Variants in ALDH2 observed in about 807,000 individuals in gnomAD.
ALDH2 encodes aldehyde dehydrogenase 2 family member, also known as aldehyde dehydrogenase, mitochondrial.
ALDH2 carries 44 observed loss-of-function variants against 59.6 expected under a neutral mutation model. The ratio of observed to expected loss-of-function variants is 0.74; its 90% CI spans 0.58 to 0.95. The LOEUF (loss-of-function observed/expected upper bound fraction) is 0.95. Among genes scored for constraint, ALDH2 ranks in the 40% least tolerant of loss-of-function variants. The pLI, the probability that ALDH2 is intolerant of heterozygous loss-of-function variation, is 0.00. For synonymous variants in ALDH2, 291 were observed against 284.0 expected, an observed-to-expected ratio of 1.02 and a Z score of -0.25; for missense variants, 570 against 696.3, an observed-to-expected ratio of 0.82 and a Z score of 2.04.
chr12:111,800,631 C>T (rs1362166847), intron 11 of ALDH2, among the ~76,000 whole-genome samples: 4 of 151,964 alleles, frequency 2.6e-5, no homozygotes, highest in Non-Finnish European at 5.9e-5. Flanking sequence ...TGAGATCTCG[C>T]CATGTTGCCC....
At chr12:111,807,665 G>A (rs1001336665) in intron 12 of ALDH2, among the ~76,000 whole-genome samples, 1 of 152,112 alleles carries the variant, frequency 6.6e-6, no homozygotes, top group Non-Finnish European at 1.5e-5. Context: ...AAAGAGCATA[G>A]CTTCTGGAAA....
intron 9 of ALDH2, among the ~76,000 whole-genome samples, chr12:111,795,143 A>G (rs185039901): frequency 2.0e-5 from 3 of 152,316 alleles, no homozygotes; most frequent in South Asian, 4.1e-4. Context: ...CCATGTTGTA[A>G]TAAGAATGTA....
At chr12:111,785,755 A>G (rs186903686) in intron 4 of ALDH2, among the ~76,000 whole-genome samples, 2 of 152,290 alleles carry the variant, frequency 1.3e-5, no homozygotes, top group East Asian at 1.9e-4. Flanking sequence ...ATAAATTACA[A>G]AAATTCAAAA....
At chr12:111,799,723 C>T in intron 10 of ALDH2, 183 bp from the exon 11 acceptor site, 1 of 621,646 alleles carries the variant, frequency 1.6e-6, no homozygotes, top group Non-Finnish European at 2.6e-6. Flanking sequence ...AGGAAGTTGG[C>T]CCCTGTTAGC....
Position 111,799,888 on chromosome 12 carries a change from G to A in ALDH2, c.1249-18G>A, listed in dbSNP as rs376773752. 4.1e-5 allele frequency: 66 copies of A among 1,610,470 alleles called. No individual in the cohort carries two copies. Among genetic ancestry groups the A allele is most frequent in the South Asian group, 4.0e-4 (36 of 90,546 alleles). ...CCTCCGTGTTGCCGAACCCTCCTAC[G>A]CTGCTCTCTCACTCCAGATCTTCGG... is the stretch of plus-strand genomic sequence containing the variant. On this transcript the variant is annotated intron_variant, in intron 10 of 12. Coordinates refer to ENST00000261733, the MANE Select transcript of ALDH2 (RefSeq NM_000690.4).
chr12:111,787,808 G>A (rs1244360920), intron 4 of ALDH2, among the ~76,000 whole-genome samples: 2 of 152,112 alleles, frequency 1.3e-5, no homozygotes, highest in East Asian at 1.9e-4. Flanking sequence ...GCGGCGGGGG[G>A]ATCACGAGGT....
At chr12:111,800,222 T>A (rs1244083915) in intron 11 of ALDH2, among the ~76,000 whole-genome samples, 159 bp downstream of exon 11, 1 of 152,034 alleles carries the variant, frequency 6.6e-6, no homozygotes, top group Non-Finnish European at 1.5e-5. Flanking sequence ...CTACCTCACC[T>A]CCGAAGGATC....
intron 10 of ALDH2, among the ~76,000 whole-genome samples, chr12:111,799,253 C>G (rs1431178540): frequency 1.3e-5 from 2 of 151,616 alleles, no homozygotes; most frequent in East Asian, 2.0e-4. Context: ...CAACCTCTGC[C>G]TCCCGGGTTC....
At chr12:111,786,626 G>A (rs1487521251) in intron 4 of ALDH2, among the ~76,000 whole-genome samples, 2 of 151,794 alleles carry the variant, frequency 1.3e-5, no homozygotes, top group Non-Finnish European at 2.9e-5. Context: ...GTTCACTGCA[G>A]TGTTGACCTT....
intron 1 of ALDH2, among the ~76,000 whole-genome samples, chr12:111,768,642 C>A (rs1395706257): frequency 6.6e-6 from 1 of 151,194 alleles, no homozygotes; most frequent in African/African-American, 2.4e-5. Flanking sequence ...ATTTCGAGAC[C>A]AGCCTGGGCA....
chr12:111,779,335 G>A (rs541259696), intron 1 of ALDH2, among the ~76,000 whole-genome samples: 55 of 152,164 alleles, frequency 3.6e-4, no homozygotes, highest in Admixed American at 1.8e-3. Context: ...GATTACAGGC[G>A]CATGCGACCA....
At chr12:111,775,515 C>G (rs1332900854) in intron 1 of ALDH2, 1 of 381,132 alleles carries the variant, frequency 2.6e-6, no homozygotes, top group Non-Finnish European at 5.2e-6. Flanking sequence ...GTGAATGAAT[C>G]CAATTTTTAC....
At chr12:111,787,798 G>A (rs1481532151) in intron 4 of ALDH2, among the ~76,000 whole-genome samples, 2 of 152,040 alleles carry the variant, frequency 1.3e-5, no homozygotes, top group Admixed American at 6.6e-5. Flanking sequence ...TTGGGAGGTC[G>A]CGGCGGGGGG....
rs1485538172 is a variant in ALDH2, at chr12:111,810,897, G to A, written c.*1322G>A. On this transcript the variant is annotated 3_prime_UTR_variant, in exon 13 of 13. Transcript: ENST00000261733. ...TCAGTTCTCAGTAAAAACTTGATCA[G>A]GCCAAATGAAAGTGACATGGGCCAA... 1 of 152,012 alleles carries A rather than the reference G, an allele frequency of 6.6e-6. No homozygotes were observed. Among genetic ancestry groups the A allele is most frequent in the Non-Finnish European group, 1.5e-5 (1 of 68,028 alleles). The allele number at this position is 152,012 out of a possible 1,614,324, so 9.4% of individuals were successfully genotyped here. A position where few individuals can be genotyped will look rare whatever the true frequency, so the allele number is the denominator to read the frequency against.
At chr12:111,767,356 G>T (rs2068166820) in intron 1 of ALDH2, among the ~76,000 whole-genome samples, 1 of 152,018 alleles carries the variant, frequency 6.6e-6, no homozygotes, top group African/African-American at 2.4e-5. Flanking sequence ...TGTTTTCCAG[G>T]GCCAACTCTC....
chr12:111,809,047 C>T (rs1416569911), intron 12 of ALDH2, among the ~76,000 whole-genome samples: 2 of 152,246 alleles, frequency 1.3e-5, no homozygotes, highest in African/African-American at 2.4e-5. Context: ...CCTGTCCAAA[C>T]CCAAGAGGTG....
intron 4 of ALDH2, among the ~76,000 whole-genome samples, chr12:111,788,831 C>T (rs550737318): frequency 6.6e-6 from 1 of 152,058 alleles, no homozygotes; most frequent in Admixed American, 6.6e-5. Context: ...GGGAGACCCA[C>T]ATCTCTACAA....
chr12:111,783,125 C>A, intron 2 of ALDH2, 33 bp from the exon 3 acceptor site: 1 of 1,593,618 alleles, frequency 6.3e-7, no homozygotes, highest in South Asian at 1.1e-5. Context: ...CCTGAGTTTT[C>A]CAGGAAGGCT....
At chr12:111,804,563 C>T (rs1593087959) in intron 12 of ALDH2, among the ~76,000 whole-genome samples, 2 of 152,122 alleles carry the variant, frequency 1.3e-5, no homozygotes, top group African/African-American at 2.4e-5. Flanking sequence ...GCCTGACCAA[C>T]ATGGTGAAAC....
Sources: gnomAD v4.1 joint callset for allele counts (sites outside exome capture counted in the v4.1 genomes callset) on GRCh38, gnomAD v4.1.1 for gene constraint, MANE v1.5 for transcripts, NCBI Gene and HGNC (gene_info 2026-07-23, HGNC 2026-07-21) for gene names.